Variants in PAPPA observed in about 807,000 individuals in gnomAD.
PAPPA encodes pappalysin-1.
In PAPPA, 60 loss-of-function variants were observed where a neutral mutation model predicts 164.0. The ratio of observed to expected loss-of-function variants is 0.37; its 90% confidence interval spans 0.30 to 0.45. PAPPA has a LOEUF of 0.45. Ranked by LOEUF, PAPPA falls within the 20% of genes least tolerant of loss-of-function variation. PAPPA has a pLI of 1.00. For synonymous variants in PAPPA, 875 were observed against 814.1 expected, an observed-to-expected ratio of 1.07 and a Z score of -1.27; for missense variants, 1,782 against 2,087.3, an observed-to-expected ratio of 0.85 and a Z score of 2.85.
intron 8 of PAPPA, among the ~76,000 whole-genome samples, chr9:116,268,588 C>T (rs1845099166): frequency 6.6e-6 from 1 of 152,046 alleles, no homozygotes; most frequent in Non-Finnish European, 1.5e-5. Context: ...CATCTCAGCT[C>T]ATGGTGGAAA....
intron 19 of PAPPA, among the ~76,000 whole-genome samples, chr9:116,369,682 C>T (rs1446030721): frequency 6.6e-6 from 1 of 152,094 alleles, no homozygotes; most frequent in East Asian, 1.9e-4. Context: ...GGGCCCTGGG[C>T]ACTAAAGAGT....
intron 10 of PAPPA, among the ~76,000 whole-genome samples, chr9:116,315,080 T>C (rs903358916): frequency 2.6e-5 from 4 of 152,188 alleles, no homozygotes; most frequent in Non-Finnish European, 4.4e-5. Flanking sequence ...AGCTGCTGGG[T>C]GTTACCTCTT....
intron 1 of PAPPA, among the ~76,000 whole-genome samples, chr9:116,158,522 C>T (rs1251394793): frequency 6.6e-6 from 1 of 152,202 alleles, no homozygotes; most frequent in Non-Finnish European, 1.5e-5. Flanking sequence ...TCCTCATGTA[C>T]AGAGTGATGA....
intron 4 of PAPPA, among the ~76,000 whole-genome samples, chr9:116,217,635 A>G (rs920493490): frequency 3.5e-5 from 5 of 143,604 alleles, no homozygotes; most frequent in Non-Finnish European, 7.7e-5. Flanking sequence ...TCACACATAC[A>G]TGAGCACACG....
intron 4 of PAPPA, among the ~76,000 whole-genome samples, chr9:116,213,614 G>A (rs985705296): frequency 4.6e-5 from 7 of 152,046 alleles, no homozygotes; most frequent in Admixed American, 6.6e-5. Flanking sequence ...GAAGTTTGCC[G>A]GCCTCTTAGG....
rs1249383576 is a variant in PAPPA, at chr9:116,154,220, G to A, written c.48G>A (p.Ala16=). ...WVLHLGLLSA[A]LGCGLAERPR... is the part of the protein sequence containing the mutation. ...TGCACCTGGGGCTGCTGAGCGCCGC[G>A]CTGGGCTGCGGGCTGGCCGAGCGTC... is the stretch of plus-strand genomic sequence containing the variant. The change falls in exon 1 of 22, where the codon GCG becomes GCA. Residue 16 remains alanine (A), a synonymous_variant. Transcript: ENST00000328252. The surrounding 1 kb of genome is among the most constrained non-coding windows in gnomAD (Gnocchi z 5.2). The A allele has an allele frequency of 1.4e-6, 2 of 1,463,502 alleles. No homozygotes were observed. Among genetic ancestry groups the A allele is most frequent in the South Asian group, 1.2e-5 (1 of 81,958 alleles). 90.7% of individuals were successfully genotyped at this position (1,463,502 alleles called of 1,614,324 possible).
Position 116,398,842 on chromosome 9 carries a change from T to TA in PAPPA, c.*2228dup. 2.7e-6 allele frequency: 1 copy of TA among 374,830 alleles called. No individual in the cohort carries two copies. The highest frequency in any genetic ancestry group is 2.0e-5 in the South Asian group (1 of 49,602). 23.2% of individuals were successfully genotyped at this position (374,830 alleles called of 1,614,324 possible). ...ACAAGGACAAATTATTAGCAAGAAA[T>TA]AAGAATAGTATTAGAAGAATTGATC... On this transcript the variant is annotated 3_prime_UTR_variant, in exon 22 of 22. Transcript: ENST00000328252.
chr9:116,364,493 C>T (rs1846473119), intron 18 of PAPPA, among the ~76,000 whole-genome samples: 1 of 152,082 alleles, frequency 6.6e-6, no homozygotes, highest in Non-Finnish European at 1.5e-5. Flanking sequence ...AGCCAAATAC[C>T]ACACAAATGC....
At chr9:116,352,567 A>T (rs1846296632) in intron 15 of PAPPA, 139 bp from the exon 16 acceptor site, 1 of 714,972 alleles carries the variant, frequency 1.4e-6, no homozygotes, top group Non-Finnish European at 2.5e-6. Context: ...TAGGCTCCTC[A>T]GTTGGAAGTA....
chr9:116,297,995 T>G (rs1376474927), intron 9 of PAPPA, among the ~76,000 whole-genome samples: 1 of 152,206 alleles, frequency 6.6e-6, no homozygotes, highest in Non-Finnish European at 1.5e-5. Context: ...TAACCAATAA[T>G]CAGAGATAGA....
At position 116,347,138 on chromosome 9, in the gene PAPPA, T is replaced by A; in HGVS notation, c.3893T>A (p.Phe1298Tyr). The change falls in exon 15 of 22, where the codon TTC becomes TAC. Residue 1298 changes from phenylalanine to tyrosine, a missense_variant. By Grantham distance (22) the Phe-to-Tyr change is conservative. Around this residue, in one of 2 missense-constraint regions of PAPPA, gnomAD observed 1,324 missense variants for 1,656.9 expected, o/e 0.80. Transcript: ENST00000328252. The surrounding 1 kb of genome is among the most constrained non-coding windows in gnomAD (Gnocchi z 4.5). ...PDHHQVYAAS[F>Y]SCPEGTTFGS... ...CACCATCAAGTCTATGCTGCCTCCT[T>A]CTCCTGCCCTGAGGGCACCACCTTT... 6.2e-7 allele frequency: 1 copy of A among 1,614,128 alleles called. No homozygotes were observed. Among genetic ancestry groups the A allele is most frequent in the Non-Finnish European group, 8.5e-7 (1 of 1,179,988 alleles).
intron 10 of PAPPA, 139 bp downstream of exon 10, chr9:116,303,089 T>G (rs917525764): frequency 1.6e-6 from 1 of 618,556 alleles, no homozygotes; most frequent in African/African-American, 1.8e-5. Flanking sequence ...TGTTAGGGCT[T>G]CATGAATACC....
intron 1 of PAPPA, among the ~76,000 whole-genome samples, chr9:116,169,277 A>ATGTGGC (rs1458010482): frequency 7.8e-6 from 1 of 127,664 alleles, no homozygotes; most frequent in Non-Finnish European, 1.6e-5. Flanking sequence ...AGTCCCTTCC[A>ATGTGGC]TGTGGCTGTC....
chr9:116,356,397 A>G (rs1363761639), intron 17 of PAPPA, among the ~76,000 whole-genome samples: 1 of 152,252 alleles, frequency 6.6e-6, no homozygotes, highest in Non-Finnish European at 1.5e-5. Flanking sequence ...CTGTGCAATC[A>G]TATGTGGTAG....
At chr9:116,182,636 ATGCCTTTGAGCTTTT>A (rs1843920821) in intron 1 of PAPPA, among the ~76,000 whole-genome samples, 1 of 152,182 alleles carries the variant, frequency 6.6e-6, no homozygotes, top group South Asian at 2.1e-4. Flanking sequence ...GACTCTTTCC[ATGCCTTTGAGCTTTT>A]CTCCTTTGTG....
chr9:116,229,768 G>A (rs912179865), intron 6 of PAPPA, among the ~76,000 whole-genome samples: 2 of 152,188 alleles, frequency 1.3e-5, no homozygotes, highest in Non-Finnish European at 2.9e-5. Flanking sequence ...AAGGGAAGCA[G>A]CAAGGTGACT....
intron 1 of PAPPA, among the ~76,000 whole-genome samples, chr9:116,179,087 T>A (rs1843870518): frequency 6.6e-6 from 1 of 152,188 alleles, no homozygotes; most frequent in Non-Finnish European, 1.5e-5. Flanking sequence ...TATGCATACA[T>A]TTATCTCTTT....
rs1845466673 is a variant in PAPPA at position 116,293,791 on chromosome 9, T to C, written c.2954-8966T>C. Among the ~76,000 whole-genome samples, 3 of 152,066 alleles carry C rather than the reference T, an allele frequency of 2.0e-5. No homozygotes were observed. The South Asian group carries it at 6.3e-4, about 32-fold the overall frequency. On this transcript the variant is annotated intron_variant, in intron 9 of 21. Transcript: ENST00000328252. ...CCAATGTGGAGAAACCCCGTCTCTA[T>C]TCAAAATACAAAAAATTCGCCGGCT... is the stretch of plus-strand genomic sequence containing the variant.
intron 21 of PAPPA, among the ~76,000 whole-genome samples, chr9:116,386,808 G>C (rs778929960): frequency 2.0e-5 from 3 of 152,106 alleles, no homozygotes; most frequent in African/African-American, 7.2e-5. Flanking sequence ...AGATGGGGTC[G>C]GGGGAAGATA....
Sources: gnomAD v4.1 joint callset for allele counts (sites outside exome capture counted in the v4.1 genomes callset) on GRCh38, gnomAD v4.1.1 for gene constraint, gnomAD v4.1.1 regional missense constraint, Gnocchi (gnomAD v3.1) non-coding constraint, MANE v1.5 for transcripts, NCBI Gene and HGNC (gene_info 2026-07-23, HGNC 2026-07-21) for gene names.